Variants in LHX2 observed in about 807,000 individuals in gnomAD.
LHX2 encodes LIM homeobox 2.
Under a neutral mutation model 33.0 loss-of-function variants are expected in LHX2, and 6 were observed. The ratio of observed to expected loss-of-function variants is 0.18; its 90% confidence interval spans 0.10 to 0.36. LHX2 has a LOEUF of 0.36. LHX2 is among the 10% of genes least tolerant of loss of function. The probability of loss-of-function intolerance (pLI) is 1.00; values close to 1 mark genes in which losing one functional copy is unlikely to be tolerated. For synonymous variants in LHX2, 292 were observed against 253.1 expected (o/e 1.15, Z -1.46); for missense variants, 442 against 586.2 (o/e 0.75, Z 2.54).
chr9:124,026,493 C>A (rs1828625361), intron 4 of LHX2, among the ~76,000 whole-genome samples: 1 of 151,996 alleles, frequency 6.6e-6, no homozygotes, highest in Non-Finnish European at 1.5e-5. Context: ...GAACAAGACC[C>A]CACTGGAACA....
At chr9:124,021,055 G>A in intron 3 of LHX2, 44 bp from the exon 4 acceptor site, 2 of 1,583,158 alleles carry the variant, frequency 1.3e-6, no homozygotes, top group Non-Finnish European at 8.7e-7. Flanking sequence ...GGCATGGGGG[G>A]CGGGTCAGGA....
In LHX2 at chr9:124,033,026, C is replaced by A. The variant is rs1448071460; in HGVS notation, c.*319C>A. 2 of 228,356 alleles carry A rather than the reference C, an allele frequency of 8.8e-6. No individual in the cohort carries two copies. The highest frequency in any genetic ancestry group is 1.7e-5 in the Non-Finnish European group (2 of 119,046). 14.1% of individuals were successfully genotyped at this position (228,356 alleles called of 1,614,324 possible). ...AAGACTGCCACGTGCCTTAGGAATA[C>A]TGTTTTATCTCCATACTTTGGATGA... On this transcript the variant is annotated 3_prime_UTR_variant, in exon 5 of 5. Coordinates refer to ENST00000373615, the MANE Select transcript of LHX2 (RefSeq NM_004789.4).
At chr9:124,019,188 G>GC (rs1056008248) in intron 3 of LHX2, among the ~76,000 whole-genome samples, 3 of 152,236 alleles carry the variant, frequency 2.0e-5, no homozygotes, top group African/African-American at 7.2e-5. Flanking sequence ...TGGGAATGCA[G>GC]CCCCGGGGGT....
At chr9:124,024,049 C>T (rs1282338437) in intron 4 of LHX2, among the ~76,000 whole-genome samples, 1 of 152,220 alleles carries the variant, frequency 6.6e-6, no homozygotes, top group Non-Finnish European at 1.5e-5. Context: ...AAATCCAGGC[C>T]TGCCTGATCA....
At chr9:124,018,344 C>T (rs564114152) in intron 3 of LHX2, among the ~76,000 whole-genome samples, 3 of 151,428 alleles carry the variant, frequency 2.0e-5, no homozygotes, top group East Asian at 3.9e-4. Flanking sequence ...TCCCCGGATC[C>T]GATCCTGGGG....
rs1859112520 is a variant in LHX2, at chr9:124,012,602, G to A, written c.120+134G>A. On this transcript the variant is annotated intron_variant, in intron 1 of 4. Transcript: ENST00000373615. The surrounding 1 kb of genome is among the most constrained non-coding windows in gnomAD (Gnocchi z 4.3). Reference sequence around the variant, plus strand: ...GGTGCTGGGGATCCTCGGTCAGAATGCAAGGCCGGTGGCTCCCGGTTCGGG... The same window carrying A: ...GGTGCTGGGGATCCTCGGTCAGAATACAAGGCCGGTGGCTCCCGGTTCGGG... 1 of 1,131,482 alleles carries A rather than the reference G, an allele frequency of 8.8e-7. No individual in the cohort carries two copies. Among genetic ancestry groups the A allele is most frequent in the African/African-American group, 1.6e-5 (1 of 61,422 alleles). 70.1% of individuals were successfully genotyped at this position (1,131,482 alleles called of 1,614,324 possible).
intron 4 of LHX2, among the ~76,000 whole-genome samples, chr9:124,025,746 G>A (rs888166926): frequency 5.9e-5 from 9 of 152,160 alleles, no homozygotes; most frequent in African/African-American, 2.2e-4. Context: ...TACTTTGGGA[G>A]GCTGAAGTGG....
At chr9:124,013,844 C>T (rs7873029) in intron 1 of LHX2, 117 bp from the exon 2 acceptor site, 57,368 of 889,762 alleles carry the variant, frequency 0.064, 2,279 homozygotes, top group African/African-American at 0.14. Flanking sequence ...CTGGCAGCCC[C>T]CTCCGCGTTC....
rs1398856812 is a variant in LHX2 at position 124,023,789 on chromosome 9, G to A, written c.933+2485G>A. 2.0e-5 allele frequency among the ~76,000 whole-genome samples: 3 copies of A among 152,210 alleles called. No homozygotes were observed. The East Asian group carries it at 5.8e-4, about 29-fold the overall frequency. On this transcript the variant is annotated intron_variant, in intron 4 of 4. Coordinates refer to ENST00000373615, the MANE Select transcript of LHX2 (RefSeq NM_004789.4). ...ATTGGCACCAGGCCTTGGGGACACA[G>A]AGATGAACAAACCATGGTCCTGGCC...
At position 124,012,515 on chromosome 9, in the gene LHX2, G is replaced by A. The variant is rs768132395; in HGVS notation, c.120+47G>A. ...CGGGGCTGAGAGCTGGGATGGGGCC[G>A]GGCCAGTCAGCGCCTCTGCTCCCCG... On this transcript the variant is annotated intron_variant, in intron 1 of 4. Coordinates refer to ENST00000373615, the MANE Select transcript of LHX2 (RefSeq NM_004789.4). The surrounding 1 kb of genome is among the most constrained non-coding windows in gnomAD (Gnocchi z 4.3). 9.5e-6 allele frequency: 14 copies of A among 1,470,246 alleles called. No homozygotes were observed. The highest frequency in any genetic ancestry group is 2.6e-5 in the South Asian group (2 of 77,070). 91.1% of individuals were successfully genotyped at this position (1,470,246 alleles called of 1,614,324 possible). A position where few individuals can be genotyped will look rare whatever the true frequency, so the allele number is the denominator to read the frequency against.
chr9:124,020,810 GCTGCTA>G (rs1370658268), intron 3 of LHX2, among the ~76,000 whole-genome samples: 4 of 152,198 alleles, frequency 2.6e-5, no homozygotes, highest in African/African-American at 9.7e-5. Flanking sequence ...TGCTGCTGCT[GCTGCTA>G]CTATTGTTCT....
intron 4 of LHX2, 45 bp downstream of exon 4, chr9:124,021,349 TG>T: frequency 6.3e-7 from 1 of 1,584,174 alleles, no homozygotes. Flanking sequence ...CACCAGGGAC[TG>T]GGGTGGAACC....
intron 3 of LHX2, among the ~76,000 whole-genome samples, chr9:124,018,992 G>A (rs1333744023): frequency 6.6e-6 from 1 of 152,228 alleles, no homozygotes; most frequent in Non-Finnish European, 1.5e-5. Context: ...GCTCGGTGGA[G>A]GGATGGGCCC....
rs764634099 is a variant in LHX2, at chr9:124,015,557, G to A, written c.727+32G>A. 1.4e-6 allele frequency: 2 copies of A among 1,447,486 alleles called. No individual in the cohort carries two copies. Among genetic ancestry groups the A allele is most frequent in the South Asian group, 3.0e-5 (2 of 67,510 alleles). 89.7% of individuals were successfully genotyped at this position (1,447,486 alleles called of 1,614,324 possible). On this transcript the variant is annotated intron_variant, in intron 3 of 4. Coordinates refer to ENST00000373615, the MANE Select transcript of LHX2 (RefSeq NM_004789.4). The surrounding 1 kb of genome is among the most constrained non-coding windows in gnomAD (Gnocchi z 7.9). Reference sequence around the variant, plus strand: ...GCGCGGCGCACGAAGCGCCCCCATAGGGTTGGGGGAAAGTGTGCGGCCTCG... The same window carrying A: ...GCGCGGCGCACGAAGCGCCCCCATAAGGTTGGGGGAAAGTGTGCGGCCTCG...
chr9:124,032,465 C>CGGCA lies in LHX2; in HGVS notation c.982_985dup (p.Glu329AlafsTer45). On this transcript the variant is annotated frameshift_variant, in exon 5 of 5. Transcript: ENST00000373615. LOFTEE classifies it high-confidence loss of function. The surrounding 1 kb of genome is among the most constrained non-coding windows in gnomAD (Gnocchi z 4.1). ...AGCCAAGTTCAGGCGCAACCTCTTA[C>CGGCA]GGCAGGAAAACACGGGCGTGGACAA... The CGGCA allele has an allele frequency of 6.2e-7, 1 of 1,607,600 alleles. No individual in the cohort carries two copies.
intron 4 of LHX2, among the ~76,000 whole-genome samples, chr9:124,023,878 C>T (rs149745269): frequency 1.3e-5 from 2 of 152,262 alleles, no homozygotes; most frequent in East Asian, 1.9e-4. Flanking sequence ...TGGTGTGATC[C>T]GTTGGGGCAC....
At position 124,012,512 on chromosome 9, in the gene LHX2, G is replaced by T; in HGVS notation, c.120+44G>T. The T allele has an allele frequency of 6.8e-7, 1 of 1,476,672 alleles. No individual in the cohort carries two copies. The highest frequency in any genetic ancestry group is 2.7e-5 in the East Asian group (1 of 36,866). The allele number at this position is 1,476,672 out of a possible 1,614,324, so 91.5% of individuals were successfully genotyped here. A position where few individuals can be genotyped will look rare whatever the true frequency, so the allele number is the denominator to read the frequency against. On this transcript the variant is annotated intron_variant, in intron 1 of 4. Coordinates refer to ENST00000373615, the MANE Select transcript of LHX2 (RefSeq NM_004789.4). The surrounding 1 kb of genome is among the most constrained non-coding windows in gnomAD (Gnocchi z 4.3). ...GGTCGGGGCTGAGAGCTGGGATGGG[G>T]CCGGGCCAGTCAGCGCCTCTGCTCC...
intron 4 of LHX2, among the ~76,000 whole-genome samples, chr9:124,031,153 G>A (rs1263431143): frequency 6.6e-6 from 1 of 152,124 alleles, no homozygotes; most frequent in Non-Finnish European, 1.5e-5. Flanking sequence ...GACTCTGCGG[G>A]TTTCAACTTC....
In LHX2 at chr9:124,014,881, C is replaced by T. The variant is rs1018760717; in HGVS notation, c.324-241C>T. Among the ~76,000 whole-genome samples, 13 of 152,130 alleles carry T rather than the reference C, an allele frequency of 8.5e-5. No homozygotes were observed. Among genetic ancestry groups the T allele is most frequent in the Admixed American group, 6.5e-5 (1 of 15,284 alleles). ...CAGGTAAAGGCTTTCCTAGGGCTTG[C>T]GGAGACTCTGGGTGAAGTAGAAGTC... On this transcript the variant is annotated intron_variant, in intron 2 of 4. Transcript: ENST00000373615. The surrounding 1 kb of genome is among the most constrained non-coding windows in gnomAD (Gnocchi z 4.8).
Sources: gnomAD v4.1 joint callset for allele counts (sites outside exome capture counted in the v4.1 genomes callset) on GRCh38, gnomAD v4.1.1 for gene constraint, Gnocchi (gnomAD v3.1) non-coding constraint, MANE v1.5 for transcripts, NCBI Gene and HGNC (gene_info 2026-07-23, HGNC 2026-07-21) for gene names.